Variants in INPP5D observed in about 807,000 individuals in gnomAD.
INPP5D encodes inositol polyphosphate-5-phosphatase D.
In INPP5D, 33 loss-of-function variants were observed where a neutral mutation model predicts 122.9. The ratio of observed to expected loss-of-function variants is 0.27; its 90% CI spans 0.20 to 0.36. INPP5D has a LOEUF of 0.36. INPP5D is among the 10% of genes least tolerant of loss of function. The probability of loss-of-function intolerance (pLI) is 1.00; values close to 1 mark genes in which losing one functional copy is unlikely to be tolerated. For missense variants in INPP5D, 1,053 were observed against 1,412.7 expected (o/e 0.75, Z 4.08); for synonymous variants, 584 against 576.2 (o/e 1.01, Z -0.19).
chr2:233,136,066 G>A (rs888428502), intron 5 of INPP5D, among the ~76,000 whole-genome samples: 1 of 152,208 alleles, frequency 6.6e-6, no homozygotes, highest in African/African-American at 2.4e-5. Context: ...ACATGGGGTA[G>A]GTGTGGAGGC....
At chr2:233,089,455 T>C (rs572700815) in intron 2 of INPP5D, among the ~76,000 whole-genome samples, 2 of 152,356 alleles carry the variant, frequency 1.3e-5, no homozygotes, top group East Asian at 3.9e-4. Context: ...GCTGTGGCTC[T>C]GTGCCCTGCA....
chr2:233,110,983 A>G (rs1477275018), intron 2 of INPP5D, among the ~76,000 whole-genome samples: 1 of 152,162 alleles, frequency 6.6e-6, no homozygotes, highest in African/African-American at 2.4e-5. Flanking sequence ...TTAAAAAAAG[A>G]TAATTTGACT....
intron 13 of INPP5D, among the ~76,000 whole-genome samples, chr2:233,167,850 A>G (rs1694385885): frequency 1.3e-5 from 2 of 152,040 alleles, no homozygotes; most frequent in African/African-American, 4.8e-5. Context: ...ACTAAAATAC[A>G]AAAAATTAGC....
chr2:233,086,878 G>C (rs1691866373), intron 2 of INPP5D, among the ~76,000 whole-genome samples: 1 of 152,034 alleles, frequency 6.6e-6, no homozygotes, highest in African/African-American at 2.4e-5. Flanking sequence ...ACAGTCTCTG[G>C]GTCTTCCTTC....
chr2:233,099,076 G>T (rs915144224), intron 2 of INPP5D, among the ~76,000 whole-genome samples: 3 of 151,852 alleles, frequency 2.0e-5, no homozygotes. Context: ...TCAGCCTCCG[G>T]AGTAGTTGGG....
intron 2 of INPP5D, among the ~76,000 whole-genome samples, chr2:233,114,872 T>C (rs1338999386): frequency 2.1e-5 from 2 of 93,464 alleles, no homozygotes; most frequent in African/African-American, 9.6e-5. Context: ...TTGTTTCCAC[T>C]TTTTTTTTTT....
intron 6 of INPP5D, among the ~76,000 whole-genome samples, chr2:233,141,936 GA>G (rs1403712444): frequency 3.9e-5 from 6 of 151,914 alleles, no homozygotes; most frequent in East Asian, 3.9e-4. Context: ...TCAAAATTCA[GA>G]AAAAAAAATT....
chr2:233,182,354 G>T, intron 18 of INPP5D, 56 bp from the exon 19 acceptor site: 1 of 1,607,318 alleles, frequency 6.2e-7, no homozygotes, highest in South Asian at 1.1e-5. Flanking sequence ...GCCATCCTTG[G>T]CCTGACCGGA....
intron 6 of INPP5D, among the ~76,000 whole-genome samples, chr2:233,144,803 T>C (rs1285098508): frequency 6.6e-6 from 1 of 151,994 alleles, no homozygotes; most frequent in Non-Finnish European, 1.5e-5. Context: ...GTGGCCATGC[T>C]GATGACTCTG....
At chr2:233,169,953 G>GT in intron 14 of INPP5D, 73 bp from the exon 15 acceptor site, 1 of 1,605,660 alleles carries the variant, frequency 6.2e-7, no homozygotes, top group Non-Finnish European at 8.5e-7. Context: ...ACCTATGGCA[G>GT]GAGTGACTTC....
At chr2:233,153,507 G>A (rs910065523) in intron 9 of INPP5D, among the ~76,000 whole-genome samples, 1 of 152,188 alleles carries the variant, frequency 6.6e-6, no homozygotes, top group Non-Finnish European at 1.5e-5. Flanking sequence ...AGAGTCACTT[G>A]TAGGAACCAA....
At position 233,206,973 on chromosome 2, in the gene INPP5D, C is replaced by A; in HGVS notation, c.*265C>A. 4.3e-6 allele frequency: 2 copies of A among 466,764 alleles called. No homozygotes were observed. Among genetic ancestry groups the A allele is most frequent in the Admixed American group, 3.8e-5 (1 of 26,500 alleles). 28.9% of individuals were successfully genotyped at this position (466,764 alleles called of 1,614,324 possible). A position where few individuals can be genotyped will look rare whatever the true frequency, so the allele number is the denominator to read the frequency against. On this transcript the variant is annotated 3_prime_UTR_variant, in exon 27 of 27. Transcript: ENST00000445964. The surrounding 1 kb of genome is among the most constrained non-coding windows in gnomAD (Gnocchi z 4.0). ...CCAGCTCGCTCTTGGTACTTGGGAC[C>A]CCAGTGCCTCGTTGAGGGCGCCATT...
intron 25 of INPP5D, among the ~76,000 whole-genome samples, chr2:233,202,195 C>T (rs1232328973): frequency 6.6e-6 from 1 of 152,146 alleles, no homozygotes; most frequent in Non-Finnish European, 1.5e-5. Context: ...AGAGGGTGGT[C>T]AGAGGTCAGG....
chr2:233,149,320 C>T (rs1693861451), intron 9 of INPP5D, among the ~76,000 whole-genome samples: 1 of 152,024 alleles, frequency 6.6e-6, no homozygotes, highest in African/African-American at 2.4e-5. Flanking sequence ...AGTGTGGTCT[C>T]GAACTCCTGA....
At chr2:233,146,467 G>C in intron 8 of INPP5D, 29 bp downstream of exon 8, 1 of 703,382 alleles carries the variant, frequency 1.4e-6, no homozygotes, top group Non-Finnish European at 2.6e-6. Context: ...GCAGAGCCTG[G>C]GCTTGGGCTC....
intron 1 of INPP5D, among the ~76,000 whole-genome samples, chr2:233,075,449 T>C (rs1443071737): frequency 6.6e-6 from 1 of 152,222 alleles, no homozygotes; most frequent in Non-Finnish European, 1.5e-5. Flanking sequence ...GGGCAGCAAT[T>C]GCCAAACACT....
intron 6 of INPP5D, chr2:233,140,685 G>T (rs1024113038): frequency 2.0e-4 from 30 of 152,288 alleles, no homozygotes; most frequent in African/African-American, 6.7e-4. Flanking sequence ...GGGATTACAG[G>T]TGCATGCCAC....
intron 13 of INPP5D, among the ~76,000 whole-genome samples, chr2:233,168,022 AAAAG>A (rs1559330694): frequency 4.4e-5 from 5 of 112,640 alleles, no homozygotes; most frequent in South Asian, 2.8e-4. Flanking sequence ...AAAAAAAAAA[AAAAG>A]AAAGAAAGGA....
chr2:233,137,308 A>G (rs189591152), intron 5 of INPP5D, among the ~76,000 whole-genome samples: 1 of 152,310 alleles, frequency 6.6e-6, no homozygotes, highest in Admixed American at 6.5e-5. Context: ...AACCATTTAC[A>G]TAGATAACAT....
Sources: allele counts gnomAD v4.1 joint callset (sites outside exome capture counted in the v4.1 genomes callset), GRCh38; gene constraint gnomAD v4.1.1; non-coding constraint Gnocchi (gnomAD v3.1); transcripts MANE v1.5; gene names NCBI Gene and HGNC (gene_info 2026-07-23, HGNC 2026-07-21).